Variants in PDE4B observed in about 807,000 individuals in gnomAD.
PDE4B encodes phosphodiesterase 4B.
In PDE4B, 20 loss-of-function variants were observed where a neutral mutation model predicts 82.2. The ratio of observed to expected loss-of-function variants is 0.24; its 90% CI spans 0.17 to 0.35. The LOEUF (loss-of-function observed/expected upper bound fraction) is 0.35. PDE4B is among the 10% of genes least tolerant of loss of function. The pLI, the probability that PDE4B is intolerant of heterozygous loss-of-function variation, is 1.00. For synonymous variants in PDE4B, 320 were observed against 318.9 expected, an observed-to-expected ratio of 1.00 and a Z score of -0.04; for missense variants, 655 against 907.2, an observed-to-expected ratio of 0.72 and a Z score of 3.57.
intron 7 of PDE4B, among the ~76,000 whole-genome samples, chr1:66,301,851 C>T (rs949093482): frequency 2.0e-5 from 3 of 152,136 alleles, no homozygotes; most frequent in African/African-American, 4.8e-5. Context: ...TGAACTTCTC[C>T]TAAGTCATGA....
intron 1 of PDE4B, among the ~76,000 whole-genome samples, chr1:65,811,000 G>T (rs1401189171): frequency 6.6e-6 from 1 of 152,122 alleles, no homozygotes; most frequent in South Asian, 2.1e-4. Flanking sequence ...GCATTGCAGG[G>T]TGTTTAACAG....
Position 66,087,797 on chromosome 1 carries a change from T to G in PDE4B, c.282-159663T>G, listed in dbSNP as rs1323986066. ...AAAACCAAACACCGCATATTCTCACTCAAAGGTGGGAATTAAACAATGAGA... is the reference window on the plus strand; with the variant it reads ...AAAACCAAACACCGCATATTCTCACGCAAAGGTGGGAATTAAACAATGAGA... On this transcript the variant is annotated intron_variant, in intron 3 of 16. Coordinates refer to ENST00000341517, the MANE Select transcript of PDE4B (RefSeq NM_002600.4). 2.8e-5 allele frequency among the ~76,000 whole-genome samples: 4 copies of G among 140,674 alleles called. No homozygotes were observed. In the East Asian group the frequency reaches 8.4e-4, roughly 29 times the overall value. The allele number at this position is 140,674 out of a possible 152,430, so 92.3% of individuals were successfully genotyped here.
At chr1:66,266,142 C>A in intron 7 of PDE4B, 55 bp downstream of exon 7, 1 of 1,289,722 alleles carries the variant, frequency 7.8e-7, no homozygotes, top group Non-Finnish European at 1.1e-6. Context: ...AATAAACATG[C>A]CTCTTATTCA....
intron 3 of PDE4B, among the ~76,000 whole-genome samples, chr1:66,089,701 C>A (rs566830028): frequency 6.6e-6 from 1 of 152,068 alleles, no homozygotes; most frequent in Non-Finnish European, 1.5e-5. Context: ...ACTTCTTAAA[C>A]ATTTGTAAAC....
At chr1:66,240,375 G>A (rs1177297757) in intron 3 of PDE4B, among the ~76,000 whole-genome samples, 1 of 152,168 alleles carries the variant, frequency 6.6e-6, no homozygotes, top group Non-Finnish European at 1.5e-5. Flanking sequence ...TTAAAGTATA[G>A]AAATGAGGAT....
chr1:66,259,164 CTATT>C (rs1654489202), intron 6 of PDE4B, among the ~76,000 whole-genome samples: 1 of 152,112 alleles, frequency 6.6e-6, no homozygotes, highest in Non-Finnish European at 1.5e-5. Context: ...ATTTACTTAT[CTATT>C]TATCCATCCA....
At chr1:65,833,854 T>G (rs999784148) in intron 1 of PDE4B, among the ~76,000 whole-genome samples, 4 of 152,222 alleles carry the variant, frequency 2.6e-5, no homozygotes, top group African/African-American at 9.6e-5. Context: ...AACTTACAAT[T>G]AAATTATATC....
chr1:65,807,385 T>C (rs1645765917), intron 1 of PDE4B, among the ~76,000 whole-genome samples: 1 of 152,262 alleles, frequency 6.6e-6, no homozygotes, highest in South Asian at 2.1e-4. Context: ...ATAAGTGTAC[T>C]ATGCTTTATT....
In PDE4B at chr1:66,270,567, C is replaced by T. The variant is rs192072595; in HGVS notation, c.634+4480C>T. Among the ~76,000 whole-genome samples the T allele has an allele frequency of 8.5e-5, 13 of 152,320 alleles. No homozygotes were observed. In the East Asian group the frequency reaches 2.3e-3, roughly 27 times the overall value. On this transcript the variant is annotated intron_variant, in intron 7 of 16. Transcript: ENST00000341517. ...TCTATATGTGCATGGGTAAAGGGCTCTCTGAGAACCACAGCAATAGCCTGA... is the reference window on the plus strand; with the variant it reads ...TCTATATGTGCATGGGTAAAGGGCTTTCTGAGAACCACAGCAATAGCCTGA...
At chr1:65,797,640 A>C (rs952002917) in intron 1 of PDE4B, among the ~76,000 whole-genome samples, 1 of 152,182 alleles carries the variant, frequency 6.6e-6, no homozygotes, top group African/African-American at 2.4e-5. Context: ...TCTAGGTTAG[A>C]GAAGTGTCTC....
chr1:65,885,649 G>C (rs1415184514), intron 1 of PDE4B, among the ~76,000 whole-genome samples: 1 of 151,906 alleles, frequency 6.6e-6, no homozygotes, highest in African/African-American at 2.4e-5. Context: ...CTCATAGGTT[G>C]GAATTGAACA....
intron 3 of PDE4B, among the ~76,000 whole-genome samples, chr1:65,929,845 TC>T (rs2100513205): frequency 6.6e-6 from 1 of 152,348 alleles, no homozygotes; most frequent in East Asian, 1.9e-4. Context: ...ATCAGTGTTC[TC>T]CATACTATTA....
chr1:66,223,497 A>G (rs765788415), intron 3 of PDE4B, among the ~76,000 whole-genome samples: 1 of 152,228 alleles, frequency 6.6e-6, no homozygotes, highest in Non-Finnish European at 1.5e-5. Flanking sequence ...ATAAGGCTTG[A>G]CACATTTCCT....
intron 7 of PDE4B, among the ~76,000 whole-genome samples, chr1:66,323,747 G>A (rs569879194): frequency 2.0e-5 from 3 of 152,236 alleles, no homozygotes; most frequent in African/African-American, 4.8e-5. Context: ...GCACAGAGAA[G>A]TAACATCTTA....
intron 3 of PDE4B, among the ~76,000 whole-genome samples, chr1:66,193,052 A>G (rs1323629486): frequency 6.6e-6 from 1 of 152,180 alleles, no homozygotes; most frequent in Admixed American, 6.5e-5. Context: ...TAACAAATCC[A>G]TTTAAAAAGA....
At chr1:66,276,899 G>A (rs1007489291) in intron 7 of PDE4B, among the ~76,000 whole-genome samples, 6 of 152,076 alleles carry the variant, frequency 3.9e-5, no homozygotes, top group Non-Finnish European at 8.8e-5. Flanking sequence ...TTAGGGTTGC[G>A]GCAATATCTA....
intron 1 of PDE4B, among the ~76,000 whole-genome samples, chr1:65,798,084 C>A (rs1453308203): frequency 6.6e-6 from 1 of 151,964 alleles, no homozygotes; most frequent in Non-Finnish European, 1.5e-5. Context: ...AGTGGTGCAT[C>A]TCGGCTCACT....
intron 7 of PDE4B, among the ~76,000 whole-genome samples, chr1:66,306,326 G>C (rs1057081450): frequency 1.3e-5 from 2 of 152,120 alleles, no homozygotes; most frequent in African/African-American, 4.8e-5. Flanking sequence ...CACAAATGAA[G>C]AAAAGCAATC....
intron 16 of PDE4B, among the ~76,000 whole-genome samples, chr1:66,371,126 ATATATAT>A (rs2050759016): frequency 8.1e-6 from 1 of 123,900 alleles, no homozygotes; most frequent in African/African-American, 3.5e-5. Flanking sequence ...ATATATATAT[ATATATAT>A]AATTTTATTT....
Sources: allele counts gnomAD v4.1 joint callset (sites outside exome capture counted in the v4.1 genomes callset), GRCh38; gene constraint gnomAD v4.1.1; transcripts MANE v1.5; gene names NCBI Gene and HGNC (gene_info 2026-07-23, HGNC 2026-07-21).